Variants in IL1RAPL1 observed in about 807,000 individuals in gnomAD.
The protein encoded by IL1RAPL1 is interleukin 1 receptor accessory protein like 1, also known as interleukin-1 receptor accessory protein-like 1.
Under a neutral mutation model 48.4 loss-of-function variants are expected in IL1RAPL1, and 3 were observed. That is an observed-to-expected ratio of 0.06 (90% CI 0.03 to 0.16). The LOEUF (loss-of-function observed/expected upper bound fraction) is 0.16. Ranked by LOEUF, IL1RAPL1 falls within the 10% of genes least tolerant of loss-of-function variation. The probability of loss-of-function intolerance (pLI) is 1.00; values close to 1 mark genes in which losing one functional copy is unlikely to be tolerated. For synonymous variants in IL1RAPL1, 185 were observed against 187.7 expected, an observed-to-expected ratio of 0.99 and a Z score of 0.12; for missense variants, 349 against 530.6, an observed-to-expected ratio of 0.66 and a Z score of 3.36.
chrX:29,042,228 G>C (rs1484950157), intron 2 of IL1RAPL1, among the ~76,000 whole-genome samples: 1 of 111,731 alleles, frequency 9.0e-6, no homozygotes, highest in East Asian at 2.8e-4. Context: ...TGGTAACTAA[G>C]ACTGAATGGA....
At position 28,790,796 on chromosome X, in the gene IL1RAPL1, C is replaced by G; in HGVS notation, c.82+1371C>G. Among the ~76,000 whole-genome samples, 2 of 111,701 alleles carry G rather than the reference C, an allele frequency of 1.8e-5. 1 individual carries two copies. Among genetic ancestry groups the G allele is most frequent in the Non-Finnish European group, 3.8e-5 (2 of 53,154 alleles). The stretch of plus-strand genomic sequence containing the variant: ...TGGGTTAATGGGAAATAACATATAT[C>G]TTGATTTCTTTAATTGTACTATGCT... On this transcript the variant is annotated intron_variant, in intron 2 of 10. Transcript: ENST00000378993.
At chrX:29,794,183 C>T (rs927884845) in intron 6 of IL1RAPL1, among the ~76,000 whole-genome samples, 25 of 110,496 alleles carry the variant, frequency 2.3e-4, no homozygotes, top group Admixed American at 9.6e-4. Flanking sequence ...GTAAACTAAC[C>T]CAATCTATGA....
intron 6 of IL1RAPL1, among the ~76,000 whole-genome samples, chrX:29,801,609 T>C (rs1407843426): frequency 8.9e-6 from 1 of 112,140 alleles, no homozygotes; most frequent in East Asian, 2.8e-4. Flanking sequence ...TGATAGTGTG[T>C]TGATGTGAGG....
At chrX:29,247,790 ATAAT>A (rs1347571336) in intron 2 of IL1RAPL1, among the ~76,000 whole-genome samples, 3 of 111,730 alleles carry the variant, frequency 2.7e-5, no homozygotes, top group Admixed American at 9.5e-5. Context: ...TCAAAAATAA[ATAAT>A]TAATAAATTA....
At chrX:29,509,566 C>T (rs1320303625) in intron 5 of IL1RAPL1, among the ~76,000 whole-genome samples, 2 of 111,922 alleles carry the variant, frequency 1.8e-5, no homozygotes, top group Admixed American at 1.9e-4. Context: ...TTTGTCCAAA[C>T]CCAGAACCCA....
intron 2 of IL1RAPL1, among the ~76,000 whole-genome samples, chrX:28,801,838 T>A (rs1472938436): frequency 8.9e-6 from 1 of 112,149 alleles, no homozygotes; most frequent in African/African-American, 3.2e-5. Context: ...TGTCATATCT[T>A]TGGTTTCCTT....
chrX:29,224,322 C>T lies in IL1RAPL1; in HGVS notation c.83-58616C>T, dbSNP rs746412128. The stretch of plus-strand genomic sequence containing the variant: ...AGACTTACTTTCTGACTACCGGCTC[C>T]AAGCATTTATTTTAGCCTATGTGTA... On this transcript the variant is annotated intron_variant, in intron 2 of 10. Transcript: ENST00000378993. Among the ~76,000 whole-genome samples the T allele has an allele frequency of 2.7e-5, 3 of 110,866 alleles. No individual in the cohort carries two copies. The East Asian group carries it at 8.5e-4, about 31-fold the overall frequency.
chrX:29,549,726 C>A (rs1338514559), intron 5 of IL1RAPL1, among the ~76,000 whole-genome samples: 1 of 111,786 alleles, frequency 8.9e-6, no homozygotes, highest in Non-Finnish European at 1.9e-5. Flanking sequence ...ATGCATATGG[C>A]TTTCTAGGTA....
At chrX:29,696,266 T>G (rs1926909638) in intron 6 of IL1RAPL1, among the ~76,000 whole-genome samples, 1 of 111,621 alleles carries the variant, frequency 9.0e-6, no homozygotes, top group African/African-American at 3.3e-5. Context: ...AAACCCAGGT[T>G]GGGAAACCAC....
At chrX:29,107,154 G>A (rs1299764118) in intron 2 of IL1RAPL1, among the ~76,000 whole-genome samples, 3 of 111,484 alleles carry the variant, frequency 2.7e-5, no homozygotes, top group Admixed American at 9.5e-5. Context: ...CTAGGTAATC[G>A]TTTTCAGTGA....
intron 6 of IL1RAPL1, among the ~76,000 whole-genome samples, chrX:29,803,727 A>G (rs564768377): frequency 1.9e-4 from 21 of 108,672 alleles, no homozygotes; most frequent in African/African-American, 6.7e-4. Context: ...AAAAAGTCAT[A>G]CAAGTGTATT....
At chrX:29,936,005 A>T (rs2147248556) in intron 8 of IL1RAPL1, among the ~76,000 whole-genome samples, 1 of 111,295 alleles carries the variant, frequency 9.0e-6, no homozygotes, top group East Asian at 2.8e-4. Flanking sequence ...CTTTTGCAAG[A>T]TCAAAACTGT....
intron 2 of IL1RAPL1, among the ~76,000 whole-genome samples, chrX:28,920,703 ACT>A (rs1216423529): frequency 9.0e-6 from 1 of 111,578 alleles, no homozygotes; most frequent in African/African-American, 3.3e-5. Flanking sequence ...AGAATACAAG[ACT>A]CTCTGTCAAC....
chrX:29,732,913 T>C (rs1927957438), intron 6 of IL1RAPL1, among the ~76,000 whole-genome samples: 1 of 111,748 alleles, frequency 8.9e-6, no homozygotes, highest in South Asian at 3.7e-4. Flanking sequence ...CCAAATACAT[T>C]TCTGGCTATA....
intron 5 of IL1RAPL1, among the ~76,000 whole-genome samples, chrX:29,567,678 G>A (rs1381426368): frequency 1.8e-5 from 2 of 111,612 alleles, no homozygotes; most frequent in African/African-American, 6.5e-5. Context: ...TGCAGTAATT[G>A]GAAGCCTTGG....
At chrX:28,940,817 C>T (rs1295885814) in intron 2 of IL1RAPL1, among the ~76,000 whole-genome samples, 4 of 109,967 alleles carry the variant, frequency 3.6e-5, no homozygotes, top group Non-Finnish European at 7.6e-5. Context: ...CTACCCATCA[C>T]TTTTTGGATA....
intron 2 of IL1RAPL1, among the ~76,000 whole-genome samples, chrX:29,203,742 T>G (rs1416704973): frequency 1.1e-5 from 1 of 94,278 alleles, no homozygotes; most frequent in African/African-American, 4.4e-5. Context: ...TATATATATA[T>G]ATATATATAT....
intron 2 of IL1RAPL1, among the ~76,000 whole-genome samples, chrX:28,924,813 T>TATTG (rs1362590194): frequency 2.2e-4 from 25 of 112,473 alleles, no homozygotes; most frequent in African/African-American, 8.1e-4. Flanking sequence ...ACTTCATTTA[T>TATTG]ACTATTGAAA....
chrX:29,628,649 G>A (rs1044053848), intron 5 of IL1RAPL1, among the ~76,000 whole-genome samples: 2 of 111,837 alleles, frequency 1.8e-5, no homozygotes, highest in African/African-American at 6.5e-5. Context: ...GGCTCCCATA[G>A]CACTGTGTCC....
Sources: allele counts gnomAD v4.1 joint callset (sites outside exome capture counted in the v4.1 genomes callset), GRCh38; gene constraint gnomAD v4.1.1; transcripts MANE v1.5; gene names NCBI Gene and HGNC (gene_info 2026-07-23, HGNC 2026-07-21).